PRELID2: variants seen among roughly 807,000 people sequenced by gnomAD.
The protein encoded by PRELID2 is PRELI domain-containing protein 2.
A neutral mutation model predicts 28.4 loss-of-function variants in PRELID2; 25 were observed. The ratio of observed to expected loss-of-function variants is 0.88; its 90% CI spans 0.64 to 1.23. PRELID2 has a LOEUF of 1.23. PRELID2 is among the 50% of genes most tolerant of loss of function. The probability of loss-of-function intolerance (pLI) is 0.00; values close to 1 mark genes in which losing one functional copy is unlikely to be tolerated. For missense variants in PRELID2, 201 were observed against 214.4 expected (o/e 0.94, Z 0.39); for synonymous variants, 76 against 71.6 (o/e 1.06, Z -0.31).
chr5:145,671,038 A>G (rs2149683048), intron 1 of PRELID2, among the ~76,000 whole-genome samples: 1 of 152,290 alleles, frequency 6.6e-6, no homozygotes, highest in Middle Eastern at 3.4e-3. Context: ...CAAGATTTTC[A>G]TAGGTATTCA....
intron 1 of PRELID2, among the ~76,000 whole-genome samples, chr5:145,621,298 T>C (rs191895041): frequency 1.3e-5 from 2 of 151,238 alleles, no homozygotes; most frequent in Admixed American, 1.3e-4. Flanking sequence ...AGCAAAGATA[T>C]TGAGAAATTA....
At chr5:145,565,334 G>A (rs1056575585) in intron 1 of PRELID2, among the ~76,000 whole-genome samples, 1 of 152,186 alleles carries the variant, frequency 6.6e-6, no homozygotes, top group South Asian at 2.1e-4. Context: ...CCCTGTTATT[G>A]TTTTGACATG....
chr5:145,516,919 A>G (rs981589606), intron 1 of PRELID2, among the ~76,000 whole-genome samples: 4 of 152,210 alleles, frequency 2.6e-5, no homozygotes, highest in Non-Finnish European at 4.4e-5. Context: ...TGGTGTTGGG[A>G]AAACTGGCTA....
intron 1 of PRELID2, among the ~76,000 whole-genome samples, chr5:145,827,991 G>A (rs574151363): frequency 6.6e-6 from 1 of 152,078 alleles, no homozygotes; most frequent in South Asian, 2.1e-4. Context: ...AAAAAAGTAT[G>A]TGGGAATTCT....
the PRELID2 span, among the ~76,000 whole-genome samples, chr5:145,410,193 G>T: frequency 6.6e-6 from 1 of 152,120 alleles, no homozygotes; most frequent in African/African-American, 2.4e-5. Context: ...TCTAAGACTT[G>T]AAACCATAAA....
chr5:145,476,251 G>T (rs1484813438), intron 1 of PRELID2, among the ~76,000 whole-genome samples: 1 of 152,078 alleles, frequency 6.6e-6, no homozygotes, highest in Non-Finnish European at 1.5e-5. Flanking sequence ...TCACAATTTT[G>T]GGAGACAATC....
chr5:145,411,890 C>T, the PRELID2 span, among the ~76,000 whole-genome samples: 3 of 152,192 alleles, frequency 2.0e-5, no homozygotes, highest in Non-Finnish European at 2.9e-5. Flanking sequence ...CTCAATACCA[C>T]GTGGAAGCCG....
the PRELID2 span, among the ~76,000 whole-genome samples, chr5:145,312,146 G>A: frequency 6.6e-6 from 1 of 150,876 alleles, no homozygotes; most frequent in Non-Finnish European, 1.5e-5. Context: ...AGGAATTTGA[G>A]ACCAGCCTGG....
At chr5:145,770,697 G>C (rs77103984) in intron 5 of PRELID2, among the ~76,000 whole-genome samples, 2,830 of 152,210 alleles carry the variant, frequency 0.019, 88 homozygotes, top group African/African-American at 0.063. Context: ...GCTAATGTGT[G>C]AATGTATATG....
At position 145,596,099 on chromosome 5, in the gene PRELID2, C is replaced by CAAAAAAAAAAAAA. The variant is rs552746530; in HGVS notation, n.71-122797_71-122785dup. Among the ~76,000 whole-genome samples, 40 of 43,938 alleles carry CAAAAAAAAAAAAA rather than the reference C, an allele frequency of 9.1e-4. 1 individual carries two copies. The highest frequency in any genetic ancestry group is 3.9e-3 in the South Asian group (5 of 1,274). 28.8% of individuals were successfully genotyped at this position (43,938 alleles called of 152,430 possible). A position where few individuals can be genotyped will look rare whatever the true frequency, so the allele number is the denominator to read the frequency against. ...TGGGTGACAGAGTGAGAGCCTGTCT[C>CAAAAAAAAAAAAA]AAAAAAAAAAAAAAAAAAAAGTCTG... On this transcript the variant is annotated intron_variant and non_coding_transcript_variant, in intron 1 of 2. Transcript: ENST00000510259.
chr5:145,453,759 C>G, the PRELID2 span, among the ~76,000 whole-genome samples: 5 of 152,176 alleles, frequency 3.3e-5, no homozygotes, highest in Non-Finnish European at 5.9e-5. Flanking sequence ...ATGATGGTTT[C>G]CAGCTTCATC....
At chr5:145,774,681 G>T (rs547324840) in intron 5 of PRELID2, among the ~76,000 whole-genome samples, 2 of 152,288 alleles carry the variant, frequency 1.3e-5, no homozygotes, top group East Asian at 3.9e-4. Context: ...TCACCTCTAA[G>T]AGTCACTAAC....
chr5:145,418,294 A>C, the PRELID2 span, among the ~76,000 whole-genome samples: 1 of 152,156 alleles, frequency 6.6e-6, no homozygotes, highest in South Asian at 2.1e-4. Flanking sequence ...AATCAATATC[A>C]TGAAAATGGC....
the PRELID2 span, among the ~76,000 whole-genome samples, chr5:145,401,956 A>G: frequency 1.3e-5 from 2 of 152,104 alleles, no homozygotes; most frequent in Non-Finnish European, 2.9e-5. Flanking sequence ...CTTTCCTAAC[A>G]TCACCCACCC....
intron 1 of PRELID2, among the ~76,000 whole-genome samples, chr5:145,521,965 C>A (rs1196147549): frequency 6.6e-6 from 1 of 152,130 alleles, no homozygotes; most frequent in East Asian, 1.9e-4. Flanking sequence ...TCTAATACAG[C>A]CTGTTTCTCT....
At chr5:145,734,501 C>A (rs988398984) in intron 1 of PRELID2, among the ~76,000 whole-genome samples, 8 of 152,162 alleles carry the variant, frequency 5.3e-5, no homozygotes, top group African/African-American at 1.9e-4. Flanking sequence ...CCTTGGGAAA[C>A]ATATAACTCA....
chr5:145,646,775 C>T (rs955367300), intron 1 of PRELID2, among the ~76,000 whole-genome samples: 3 of 152,230 alleles, frequency 2.0e-5, no homozygotes, highest in Admixed American at 2.0e-4. Flanking sequence ...ACTCAGGCCC[C>T]TCTGCCGCAG....
At chr5:145,681,446 A>G (rs1271077738) in intron 1 of PRELID2, among the ~76,000 whole-genome samples, 3 of 152,226 alleles carry the variant, frequency 2.0e-5, no homozygotes, top group Non-Finnish European at 4.4e-5. Context: ...AGTGCCTCAC[A>G]CAGAAAATGT....
At chr5:145,354,141 C>G in the PRELID2 span, among the ~76,000 whole-genome samples, 92 of 152,018 alleles carry the variant, frequency 6.1e-4, no homozygotes, top group African/African-American at 2.2e-3. Flanking sequence ...AACAAGGTTG[C>G]TAAGAGGCTG....
Sources: allele counts gnomAD v4.1 joint callset (sites outside exome capture counted in the v4.1 genomes callset), GRCh38; gene constraint gnomAD v4.1.1; transcripts MANE v1.5; gene names NCBI Gene and HGNC (gene_info 2026-07-23, HGNC 2026-07-21).